The following ADCY9 variants were observed in gnomAD, a reference collection of about 807,000 sequenced individuals.
ADCY9 encodes adenylate cyclase type 9.
A neutral mutation model predicts 101.5 loss-of-function variants in ADCY9; 50 were observed. That is an observed-to-expected ratio of 0.49 (90% confidence interval 0.39 to 0.62). The LOEUF (loss-of-function observed/expected upper bound fraction) is 0.62. ADCY9 is among the 20% of genes least tolerant of loss of function. ADCY9 has a pLI of 0.00. For missense variants in ADCY9, 1,662 were observed against 1,800.4 expected (o/e 0.92, Z 1.39); for synonymous variants, 905 against 769.3 (o/e 1.18, Z -2.92).
At chr16:4,021,536 A>C (rs1324474669) in intron 2 of ADCY9, among the ~76,000 whole-genome samples, 1 of 152,152 alleles carries the variant, frequency 6.6e-6, no homozygotes, top group African/African-American at 2.4e-5. Flanking sequence ...CACACTGTAG[A>C]TACACGAGCT....
chr16:4,075,224 C>T (rs1220892858), intron 2 of ADCY9, among the ~76,000 whole-genome samples: 5 of 152,158 alleles, frequency 3.3e-5, no homozygotes, highest in South Asian at 2.1e-4. Flanking sequence ...CTGCAACCTC[C>T]GCCTCCCGGG....
intron 2 of ADCY9, among the ~76,000 whole-genome samples, chr16:4,092,982 T>A (rs985758663): frequency 2.6e-5 from 4 of 152,316 alleles, no homozygotes; most frequent in South Asian, 4.1e-4. Context: ...TCAGTTTTTT[T>A]AAAAAAGCAA....
chr16:4,035,802 C>G (rs1050578327), intron 2 of ADCY9, among the ~76,000 whole-genome samples: 1 of 151,916 alleles, frequency 6.6e-6, no homozygotes, highest in Non-Finnish European at 1.5e-5. Flanking sequence ...AGTTTTGAGA[C>G]CAGCCTGACC....
Position 4,001,193 on chromosome 16 carries a change from G to A in ADCY9, c.1884+6175C>T, listed in dbSNP as rs371915903. Among the ~76,000 whole-genome samples the A allele has an allele frequency of 2.0e-4, 30 of 152,130 alleles. No individual in the cohort carries two copies. In the South Asian group the frequency reaches 3.3e-3, roughly 17 times the overall value. ...TTCTGATGTCCCCAGTTTCCGCACC[G>A]TCCCTTTGCTGTTCGGGTCTCCTCT... On this transcript the variant is annotated intron_variant, in intron 3 of 10. Coordinates refer to ENST00000294016, the MANE Select transcript of ADCY9 (RefSeq NM_001116.4).
intron 2 of ADCY9, 118 bp downstream of exon 2, chr16:4,113,632 G>A (rs2057127626): frequency 3.7e-6 from 5 of 1,334,528 alleles, no homozygotes; most frequent in Non-Finnish European, 5.1e-6. Flanking sequence ...TCCCCCCATG[G>A]TAAGGCATTC....
intron 2 of ADCY9, among the ~76,000 whole-genome samples, chr16:4,067,305 G>C (rs1244238076): frequency 1.3e-5 from 2 of 152,158 alleles, no homozygotes; most frequent in African/African-American, 4.8e-5. Context: ...AATAATGTTT[G>C]TCAATAACAC....
chr16:3,978,507 C>T (rs969049546), intron 8 of ADCY9, among the ~76,000 whole-genome samples: 13 of 152,144 alleles, frequency 8.5e-5, no homozygotes, highest in East Asian at 1.9e-4. Flanking sequence ...GTGGGACAGA[C>T]GCTTCTTTGT....
chr16:3,956,072 T>C (rs2055904853), intron 5 of ADCY9, among the ~76,000 whole-genome samples: 1 of 152,036 alleles, frequency 6.6e-6, no homozygotes, highest in Non-Finnish European at 1.5e-5. Context: ...CAAGATTTTT[T>C]GTAGAAAAAT....
downstream of ADCY9, among the ~76,000 whole-genome samples, chr16:3,958,674 T>TTTTTTC (rs2055921303): frequency 7.4e-5 from 1 of 13,480 alleles, no homozygotes; most frequent in Admixed American, 5.1e-4. Context: ...CGTCGGTTAC[T>TTTTTTC]TTTTTTTTTT....
At chr16:4,001,146 G>A (rs1229901021) in intron 3 of ADCY9, among the ~76,000 whole-genome samples, 5 of 152,142 alleles carry the variant, frequency 3.3e-5, no homozygotes, top group African/African-American at 9.7e-5. Context: ...GCGCGATACC[G>A]TTAACTAAGC....
rs913368594 is a variant in ADCY9 at position 3,963,037 on chromosome 16, G to C, written c.*2738C>G. ...TGTGGGGCTCTCAAGCTATTCGAGG[G>C]TTTTGTAACTGATGCTCTACATTTG... On this transcript the variant is annotated 3_prime_UTR_variant, in exon 11 of 11. Coordinates refer to ENST00000294016, the MANE Select transcript of ADCY9 (RefSeq NM_001116.4). The C allele has an allele frequency of 2.6e-5, 4 of 155,698 alleles. No homozygotes were observed. Among genetic ancestry groups the C allele is most frequent in the African/African-American group, 1.0e-4 (4 of 39,446 alleles). The allele number at this position is 155,698 out of a possible 1,614,324, so 9.6% of individuals were successfully genotyped here.
intron 2 of ADCY9, among the ~76,000 whole-genome samples, chr16:4,042,845 G>A: frequency 6.6e-6 from 1 of 152,182 alleles, no homozygotes; most frequent in East Asian, 1.9e-4. Flanking sequence ...GACGATTCCG[G>A]TTTTGGTCTG....
At chr16:3,979,935 G>A (rs534838447) in intron 7 of ADCY9, among the ~76,000 whole-genome samples, 7 of 151,618 alleles carry the variant, frequency 4.6e-5, no homozygotes, top group South Asian at 4.2e-4. Context: ...TTCTTGGAGC[G>A]CAGCTCCTGT....
At chr16:4,063,603 T>C (rs1382303892) in intron 2 of ADCY9, among the ~76,000 whole-genome samples, 1 of 151,498 alleles carries the variant, frequency 6.6e-6, no homozygotes, top group Non-Finnish European at 1.5e-5. Flanking sequence ...CCTCAGCTCC[T>C]TGGGGGGCTG....
chr16:4,007,677 T>C, intron 2 of ADCY9, 119 bp from the exon 3 acceptor site: 2 of 814,896 alleles, frequency 2.5e-6, no homozygotes, highest in Non-Finnish European at 3.8e-6. Flanking sequence ...AGTGAAAATG[T>C]GAATAGGTCA....
At chr16:4,058,419 C>T (rs1427630478) in intron 2 of ADCY9, among the ~76,000 whole-genome samples, 2 of 150,730 alleles carry the variant, frequency 1.3e-5, no homozygotes, top group African/African-American at 4.9e-5. Flanking sequence ...GAGCCAAGAT[C>T]GCCCCACTGC....
Position 3,983,301 on chromosome 16 carries a change from G to A in ADCY9, c.2450C>T (p.Pro817Leu), listed in dbSNP as rs367822989. The A allele has an allele frequency of 3.9e-5, 61 of 1,564,162 alleles. No homozygotes were observed. The highest frequency in any genetic ancestry group is 2.9e-4 in the South Asian group (25 of 84,900). ...LKYEAATVPP[P>L]PAALAVFSAA... Reference sequence around the variant, plus strand: ...ACTGAAGACCGCCAGGGCGGCGGGCGGGGGAGGCACGGTGGCCGCCTCGTA... The same window carrying A: ...ACTGAAGACCGCCAGGGCGGCGGGCAGGGGAGGCACGGTGGCCGCCTCGTA... The change falls in exon 7 of 11, where the codon CCG (proline) becomes CTG (leucine). Residue 817 changes from proline (P) to leucine (L), a missense_variant. Physicochemically the swap from Pro to Leu is moderately conservative, Grantham distance 98. Transcript: ENST00000294016.
Position 4,113,855 on chromosome 16 carries a change from G to A in ADCY9, c.1588C>T (p.His530Tyr). The change falls in exon 2 of 11, where the codon CAC (histidine) becomes TAC (tyrosine). Residue 530 changes from histidine (H) to tyrosine (Y), a missense_variant. Transcript: ENST00000294016. ...MEQLGVAGKV[H>Y]ISEATAKYLD... is the part of the protein sequence containing the mutation. ...TATTTTGCGGTGGCCTCAGAAATGT[G>A]AACTTTGCCGGCCACTCCCAGCTGC... 1 of 1,614,148 alleles carries A rather than the reference G, an allele frequency of 6.2e-7. No homozygotes were observed. Among genetic ancestry groups the A allele is most frequent in the Non-Finnish European group, 8.5e-7 (1 of 1,180,034 alleles).
At chr16:4,009,583 G>C (rs906136847) in intron 2 of ADCY9, among the ~76,000 whole-genome samples, 7 of 152,098 alleles carry the variant, frequency 4.6e-5, no homozygotes, top group African/African-American at 1.4e-4. Flanking sequence ...CTCTTACTTA[G>C]CTCCTGAACT....
Sources: gnomAD v4.1 joint callset for allele counts (sites outside exome capture counted in the v4.1 genomes callset) on GRCh38, gnomAD v4.1.1 for gene constraint, MANE v1.5 for transcripts, NCBI Gene and HGNC (gene_info 2026-07-23, HGNC 2026-07-21) for gene names.